NF1: variants seen among roughly 807,000 people sequenced by gnomAD.
NF1 encodes neurofibromin.
Under a neutral mutation model 325.7 loss-of-function variants are expected in NF1, and 122 were observed. The ratio of observed to expected loss-of-function variants is 0.37; its 90% CI spans 0.32 to 0.44. The LOEUF is 0.44. Among genes scored for constraint, NF1 ranks in the 20% least tolerant of loss-of-function variants. NF1 has a pLI of 1.00. For synonymous variants in NF1, 1,091 were observed against 1,186.0 expected (o/e 0.92, Z 1.65); for missense variants, 2,140 against 3,415.4 (o/e 0.63, Z 9.31).
chr17:31,229,105 C>T lies in NF1; in HGVS notation c.2490C>T (p.Asp830=), dbSNP rs786201629. The part of the protein sequence containing the change: ...VSGGGSIDLS[D]TDSLQEWINM... ...GAGGAGGATCCATAGATTTGTCTGACACAGACTCCCTACAGGAATGGATCA... is the reference window on the plus strand; with the variant it reads ...GAGGAGGATCCATAGATTTGTCTGATACAGACTCCCTACAGGAATGGATCA... The change falls in exon 21 of 58, where the codon GAC becomes GAT. Residue 830 remains aspartate (D), a synonymous_variant. Transcript: ENST00000358273. 3.1e-6 allele frequency: 5 copies of T among 1,611,740 alleles called. No homozygotes were observed. Among genetic ancestry groups the T allele is most frequent in the Non-Finnish European group, 4.2e-6 (5 of 1,179,784 alleles).
intron 4 of NF1, among the ~76,000 whole-genome samples, chr17:31,168,848 T>C (rs536988368): frequency 5.9e-5 from 9 of 152,314 alleles, no homozygotes; most frequent in South Asian, 2.1e-4. Context: ...TTCCACTTCA[T>C]TGGGGGCTGC....
chr17:31,095,069 T>G lies in NF1; in HGVS notation c.-241T>G. The stretch of plus-strand genomic sequence containing the variant: ...AGAGCGACCAAGAGGCCCCCTCCCC[T>G]CCCCGGGTCCCCTTCCCCTATCCCC... On this transcript the variant is annotated 5_prime_UTR_variant, in exon 1 of 58. Transcript: ENST00000358273. The G allele has an allele frequency of 3.6e-5, 4 of 110,908 alleles. No homozygotes were observed. Among genetic ancestry groups the G allele is most frequent in the Non-Finnish European group, 3.2e-5 (2 of 61,760 alleles). 6.9% of individuals were successfully genotyped at this position (110,908 alleles called of 1,614,324 possible). A position where few individuals can be genotyped will look rare whatever the true frequency, so the allele number is the denominator to read the frequency against.
rs112589561 is a variant in NF1, at chr17:31,232,760, G to T, written c.3375G>T (p.Ala1125=). 4 of 1,613,634 alleles carry T rather than the reference G, an allele frequency of 2.5e-6. No homozygotes were observed. Among genetic ancestry groups the T allele is most frequent in the Non-Finnish European group, 1.7e-6 (2 of 1,179,922 alleles). The change falls in exon 26 of 58, where the codon GCG becomes GCT. Residue 1125 remains alanine, a synonymous_variant. Coordinates refer to ENST00000358273, the MANE Select transcript of NF1 (RefSeq NM_001042492.3). The part of the protein sequence containing the change: ...NDCSEVEDES[A]QTGGRKRGMS... ...GCAGTGAAGTTGAAGATGAAAGTGC[G>T]CAAACAGGTGGCAGGAAACGTGGCA... is the stretch of plus-strand genomic sequence containing the variant.
intron 29 of NF1, among the ~76,000 whole-genome samples, chr17:31,236,384 A>G (rs551692866): frequency 2.0e-4 from 31 of 152,094 alleles, no homozygotes; most frequent in Non-Finnish European, 4.3e-4. Flanking sequence ...ATGAGGAGTG[A>G]CTTAGGAGAA....
chr17:31,170,063 C>A, intron 5 of NF1, 66 bp downstream of exon 5: 1 of 988,140 alleles, frequency 1.0e-6, no homozygotes, highest in Non-Finnish European at 1.6e-6. Flanking sequence ...CATGAATGTA[C>A]TAATTATATT....
chr17:31,183,802 C>T (rs933350081), intron 8 of NF1, among the ~76,000 whole-genome samples: 2 of 152,136 alleles, frequency 1.3e-5, no homozygotes, highest in Non-Finnish European at 2.9e-5. Context: ...AGAGACGGGC[C>T]TAGCCTCCCA....
At chr17:31,207,951 T>C (rs2143925236) in intron 12 of NF1, among the ~76,000 whole-genome samples, 1 of 152,304 alleles carries the variant, frequency 6.6e-6, no homozygotes, top group African/African-American at 2.4e-5. Context: ...ATATCCACTT[T>C]ACCAGCTGCC....
chr17:31,147,146 C>T (rs539963895), intron 1 of NF1, among the ~76,000 whole-genome samples: 67 of 152,294 alleles, frequency 4.4e-4, no homozygotes, highest in Admixed American at 3.3e-4. Context: ...GTTAAATGTT[C>T]ACAAAGTAAA....
chr17:31,361,920 G>A (rs1164365745), intron 57 of NF1, among the ~76,000 whole-genome samples: 1 of 152,142 alleles, frequency 6.6e-6, no homozygotes, highest in African/African-American at 2.4e-5. Context: ...TTTGTCAGTC[G>A]CCTTACAAGT....
chr17:31,319,650 G>A (rs867167276), intron 36 of NF1, among the ~76,000 whole-genome samples: 14 of 151,124 alleles, frequency 9.3e-5, no homozygotes, highest in Admixed American at 5.9e-4. Flanking sequence ...ATTTGTGAAC[G>A]CAATTTTACT....
chr17:31,206,531 C>T (rs897993249), intron 12 of NF1, among the ~76,000 whole-genome samples, 160 bp downstream of exon 12: 3 of 151,850 alleles, frequency 2.0e-5, no homozygotes, highest in Non-Finnish European at 4.4e-5. Flanking sequence ...TTGTTGAATA[C>T]TAGATTATGT....
chr17:31,346,844 T>C (rs558523279), intron 48 of NF1, among the ~76,000 whole-genome samples: 2 of 144,140 alleles, frequency 1.4e-5, no homozygotes, highest in Non-Finnish European at 3.0e-5. Context: ...TTTTTTTACA[T>C]CTGTTTTCAC....
intron 36 of NF1, among the ~76,000 whole-genome samples, chr17:31,274,254 T>C (rs1266107356): frequency 6.6e-6 from 1 of 152,128 alleles, no homozygotes; most frequent in Non-Finnish European, 1.5e-5. Context: ...ATAAAGTAAA[T>C]TTTTTGAAGG....
rs143032433 is a variant in NF1, at chr17:31,242,594, T to A, written c.3975-6390T>A. 6.0e-3 allele frequency among the ~76,000 whole-genome samples: 907 copies of A among 152,302 alleles called. 31 individuals carry two copies. Among genetic ancestry groups the A allele is most frequent in the Admixed American group, 0.054 (820 of 15,306 alleles). On this transcript the variant is annotated intron_variant, in intron 29 of 57. Coordinates refer to ENST00000358273, the MANE Select transcript of NF1 (RefSeq NM_001042492.3). ...GAGACTCTTGATGCATATTTCAGTA[T>A]GTCAGCTGCATTTTTCGTCTCCAGA...
chr17:31,305,676 G>C, intron 36 of NF1: 2 of 1,503,534 alleles, frequency 1.3e-6, no homozygotes, highest in Non-Finnish European at 1.8e-6. Flanking sequence ...AGGCGTCATT[G>C]GTGTCTAGTT....
At chr17:31,271,382 T>TA (rs1417325893) in intron 36 of NF1, among the ~76,000 whole-genome samples, 1 of 152,084 alleles carries the variant, frequency 6.6e-6, no homozygotes, top group African/African-American at 2.4e-5. Context: ...TCATGAAATA[T>TA]GTTAATACAG....
intron 29 of NF1, 88 bp from the exon 30 acceptor site, chr17:31,248,896 A>G (rs2067445793): frequency 7.6e-7 from 1 of 1,318,462 alleles, no homozygotes; most frequent in African/African-American, 1.5e-5. Flanking sequence ...ACTTGGCTTA[A>G]TGTCTGTATA....
intron 1 of NF1, among the ~76,000 whole-genome samples, chr17:31,144,056 C>T (rs1279446051): frequency 6.6e-6 from 1 of 152,092 alleles, no homozygotes. Context: ...ATCTCCTGAC[C>T]TCGTGATCCG....
intron 57 of NF1, among the ~76,000 whole-genome samples, chr17:31,363,266 ATTACAGGCTCATGT>A (rs760244516): frequency 4.3e-4 from 65 of 152,166 alleles, no homozygotes; most frequent in Non-Finnish European, 6.3e-4. Flanking sequence ...GTATCTCTAA[ATTACAGGCTCATGT>A]TCACAAAAGG....
Sources: gnomAD v4.1 joint callset for allele counts (sites outside exome capture counted in the v4.1 genomes callset) on GRCh38, gnomAD v4.1.1 for gene constraint, MANE v1.5 for transcripts, NCBI Gene and HGNC (gene_info 2026-07-23, HGNC 2026-07-21) for gene names.